Variants in GNA12 observed in about 807,000 individuals in gnomAD.
GNA12 encodes the protein G protein subunit alpha 12.
GNA12 carries 9 observed loss-of-function variants against 26.0 expected under a neutral mutation model. The observed-to-expected ratio is 0.35, with a 90% confidence interval of 0.21 to 0.60. GNA12 has a LOEUF of 0.60. Ranked by LOEUF, GNA12 falls within the 20% of genes least tolerant of loss-of-function variation. The pLI is 0.78. For missense variants in GNA12, 405 were observed against 525.8 expected (o/e 0.77, Z 2.25); for synonymous variants, 264 against 219.6 (o/e 1.20, Z -1.79).
chr7:2,746,329 G>C (rs1223841308), intron 2 of GNA12, among the ~76,000 whole-genome samples: 1 of 152,204 alleles, frequency 6.6e-6, no homozygotes, highest in African/African-American at 2.4e-5. Context: ...CTGTCTCTCA[G>C]ACCACAGTGC....
chr7:2,741,143 G>C (rs951628006), intron 2 of GNA12, among the ~76,000 whole-genome samples: 1 of 152,194 alleles, frequency 6.6e-6, no homozygotes, highest in Non-Finnish European at 1.5e-5. Context: ...AGAAAAATGA[G>C]CTAGAAAGAA....
chr7:2,761,587 C>A (rs1286814490), intron 2 of GNA12, among the ~76,000 whole-genome samples: 1 of 152,208 alleles, frequency 6.6e-6, no homozygotes, highest in Non-Finnish European at 1.5e-5. Flanking sequence ...TCCTAGGATA[C>A]AAACAGTTCT....
Position 2,731,527 on chromosome 7 carries a change from G to T in GNA12, c.800C>A (p.Thr267Asn), listed in dbSNP as rs1329158036. The change falls in exon 4 of 4, where the codon ACC becomes AAC. Residue 267 changes from threonine to asparagine, a missense_variant. Physicochemically the swap from Thr to Asn is moderately conservative, Grantham distance 65 (BLOSUM62 0). Transcript: ENST00000275364. This position sits in a 1 kb window ranked among gnomAD's most constrained non-coding sequence, Gnocchi z 6.0. The stretch of plus-strand genomic sequence containing the variant: ...GTTCATGGACTCCACCAGCCGGTTG[G>T]TGCGCCTGTCCTCCATGAGGACCTG... Reference protein sequence around the residue: ...YDQVLMEDRRTNRLVESMNIF... With the variant: ...YDQVLMEDRRNNRLVESMNIF... 6 of 1,612,384 alleles carry T rather than the reference G, an allele frequency of 3.7e-6. No homozygotes were observed. The highest frequency in any genetic ancestry group is 4.2e-6 in the Non-Finnish European group (5 of 1,178,888).
intron 2 of GNA12, among the ~76,000 whole-genome samples, chr7:2,757,417 G>A (rs1223939773): frequency 6.6e-6 from 1 of 152,148 alleles, no homozygotes; most frequent in East Asian, 1.9e-4. Flanking sequence ...GAGGAGCCAC[G>A]TGGCAAGGAA....
Position 2,728,367 on chromosome 7 carries a change from A to G in GNA12, c.*2814T>C, listed in dbSNP as rs1789716298. On this transcript the variant is annotated 3_prime_UTR_variant, in exon 4 of 4. Coordinates refer to ENST00000275364, the MANE Select transcript of GNA12 (RefSeq NM_007353.3). Reference sequence around the variant, plus strand: ...TTTTTTTTCAATCTTGGAGTTAACAATCTGACTTATTTTTCTTTTATCAAA... The same window carrying G: ...TTTTTTTTCAATCTTGGAGTTAACAGTCTGACTTATTTTTCTTTTATCAAA... 6.6e-6 allele frequency: 1 copy of G among 152,220 alleles called. No individual in the cohort carries two copies. Among genetic ancestry groups the G allele is most frequent in the Admixed American group, 6.5e-5 (1 of 15,274 alleles). 9.4% of individuals were successfully genotyped at this position (152,220 alleles called of 1,614,324 possible).
chr7:2,742,203 C>G (rs1790541410), intron 2 of GNA12, among the ~76,000 whole-genome samples: 1 of 151,616 alleles, frequency 6.6e-6, no homozygotes, highest in South Asian at 2.1e-4. Flanking sequence ...TGTATTTTTA[C>G]TACAGACAGG....
At chr7:2,815,112 C>T in intron 1 of GNA12, 1 of 957,974 alleles carries the variant, frequency 1.0e-6, no homozygotes, top group Non-Finnish European at 1.5e-6. Context: ...GCCTTGCCCG[C>T]ATGAGGCTTC....
intron 2 of GNA12, among the ~76,000 whole-genome samples, chr7:2,740,487 C>G (rs1448047146): frequency 1.3e-5 from 2 of 152,276 alleles, no homozygotes; most frequent in African/African-American, 4.8e-5. Flanking sequence ...TGCTGCCACC[C>G]AGATCCTCAA....
intron 1 of GNA12, among the ~76,000 whole-genome samples, chr7:2,796,539 G>A (rs1200658986): frequency 6.6e-6 from 1 of 152,124 alleles, no homozygotes; most frequent in Non-Finnish European, 1.5e-5. Context: ...CTTAAAACGG[G>A]TGGGAAAACA....
chr7:2,734,143 T>C (rs536966573), intron 2 of GNA12, among the ~76,000 whole-genome samples: 13 of 152,256 alleles, frequency 8.5e-5, no homozygotes, highest in East Asian at 5.8e-4. Flanking sequence ...ACGTGTTCCA[T>C]AGTGCGAAGG....
intron 2 of GNA12, among the ~76,000 whole-genome samples, chr7:2,789,538 A>G (rs941758009): frequency 1.3e-5 from 2 of 152,128 alleles, no homozygotes; most frequent in Non-Finnish European, 2.9e-5. Flanking sequence ...ACTACTCCCC[A>G]TAGGTGAGTT....
intron 1 of GNA12, among the ~76,000 whole-genome samples, chr7:2,830,658 CT>C (rs1275969387): frequency 6.6e-6 from 1 of 152,202 alleles, no homozygotes; most frequent in Non-Finnish European, 1.5e-5. Context: ...TAGCTGAGAT[CT>C]CTCTGCAAGG....
intron 2 of GNA12, among the ~76,000 whole-genome samples, chr7:2,737,985 G>A (rs763096761): frequency 2.2e-4 from 34 of 152,254 alleles, no homozygotes; most frequent in East Asian, 3.9e-4. Flanking sequence ...CAGGGCTGGC[G>A]TGAGATTAAA....
At chr7:2,816,171 G>A (rs887415649) in intron 1 of GNA12, among the ~76,000 whole-genome samples, 3 of 151,910 alleles carry the variant, frequency 2.0e-5, no homozygotes, top group Non-Finnish European at 2.9e-5. Context: ...TAATGTGACG[G>A]TGGAAAGAAG....
chr7:2,825,657 T>C (rs1007153636), intron 1 of GNA12, among the ~76,000 whole-genome samples: 2 of 152,088 alleles, frequency 1.3e-5, no homozygotes, highest in Admixed American at 1.3e-4. Context: ...GCCGCTATAG[T>C]TTTGTAAACA....
chr7:2,814,635 CT>C (rs35209860), intron 1 of GNA12, among the ~76,000 whole-genome samples: 71,098 of 133,520 alleles, frequency 0.53, 18,949 homozygotes, highest in Non-Finnish European at 0.61. Context: ...CTTTTCCTGC[CT>C]TTTTTTTTTT....
At chr7:2,838,937 T>G (rs772540099) in intron 1 of GNA12, among the ~76,000 whole-genome samples, 1 of 152,154 alleles carries the variant, frequency 6.6e-6, no homozygotes, top group Non-Finnish European at 1.5e-5. Context: ...AAATCCACAA[T>G]TATAGTTGAG....
chr7:2,737,478 G>A (rs527840091), intron 2 of GNA12, among the ~76,000 whole-genome samples: 156 of 151,834 alleles, frequency 1.0e-3, no homozygotes, highest in African/African-American at 3.5e-3. Context: ...TAGTAGAGAC[G>A]GGGTTTCACC....
chr7:2,830,720 C>T (rs551477625), intron 1 of GNA12, among the ~76,000 whole-genome samples: 17 of 152,316 alleles, frequency 1.1e-4, no homozygotes, highest in Non-Finnish European at 2.1e-4. Flanking sequence ...TAAAGCCCAA[C>T]CTGACCTTAC....
Sources: allele counts gnomAD v4.1 joint callset (sites outside exome capture counted in the v4.1 genomes callset), GRCh38; gene constraint gnomAD v4.1.1; non-coding constraint Gnocchi (gnomAD v3.1); transcripts MANE v1.5; gene names NCBI Gene and HGNC (gene_info 2026-07-23, HGNC 2026-07-21).